Variants in OGDH observed in about 807,000 individuals in gnomAD.
OGDH encodes the protein oxoglutarate dehydrogenase, also known as 2-oxoglutarate dehydrogenase complex component E1.
In OGDH, 38 loss-of-function variants were observed where a neutral mutation model predicts 116.6. The ratio of observed to expected loss-of-function variants is 0.33; its 90% CI spans 0.25 to 0.43. The LOEUF is 0.43. OGDH is among the 20% of genes least tolerant of loss of function. The pLI is 1.00. For missense variants in OGDH, 825 were observed against 1,357.2 expected (o/e 0.61, Z 6.16); for synonymous variants, 488 against 533.3 (o/e 0.92, Z 1.17).
chr7:44,613,741 C>T (rs1340548742), intron 1 of OGDH, among the ~76,000 whole-genome samples: 5 of 151,656 alleles, frequency 3.3e-5, no homozygotes, highest in Non-Finnish European at 7.4e-5. Flanking sequence ...AGTCATCTGC[C>T]CACATCGGCC....
chr7:44,625,537 T>C (rs1356250932), intron 2 of OGDH, among the ~76,000 whole-genome samples: 1 of 152,232 alleles, frequency 6.6e-6, no homozygotes, highest in Non-Finnish European at 1.5e-5. Flanking sequence ...CCTGAAGGAA[T>C]TGGGAAGACA....
chr7:44,673,542 G>A (rs969646670), intron 5 of OGDH, among the ~76,000 whole-genome samples: 1 of 152,126 alleles, frequency 6.6e-6, no homozygotes, highest in Non-Finnish European at 1.5e-5. Flanking sequence ...GCCTGCCCTT[G>A]GAAGGCTAGG....
intron 3 of OGDH, 127 bp from the exon 4 acceptor site, chr7:44,647,530 C>T (rs1351108661): frequency 3.2e-6 from 5 of 1,544,492 alleles, no homozygotes; most frequent in Non-Finnish European, 3.5e-6. Flanking sequence ...TTTCTTCAAA[C>T]GTGGGTGAGA....
At position 44,668,721 on chromosome 7, in the gene OGDH, C is replaced by T. The variant is rs921456013; in HGVS notation, c.633+1870C>T. On this transcript the variant is annotated intron_variant, in intron 5 of 22. Coordinates refer to ENST00000222673, the MANE Select transcript of OGDH (RefSeq NM_002541.4). ...ATCTGCACCCACATCACCACACTGA[C>T]TATAGTTTCTAGTTCTGCCTACTAG... Among the ~76,000 whole-genome samples the T allele has an allele frequency of 3.3e-5, 5 of 152,168 alleles. No homozygotes were observed. In the East Asian group the frequency reaches 9.6e-4, roughly 29 times the overall value.
Position 44,639,866 on chromosome 7 carries a change from C to T in OGDH, c.223-5461C>T, listed in dbSNP as rs544164690. Among the ~76,000 whole-genome samples the T allele has an allele frequency of 1.2e-3, 186 of 152,282 alleles. 2 individuals are homozygous for T. The South Asian group carries it at 0.034, about 28-fold the overall frequency. On this transcript the variant is annotated intron_variant, in intron 2 of 22. Coordinates refer to ENST00000222673, the MANE Select transcript of OGDH (RefSeq NM_002541.4). ...GTTGCATTCCCAGCATTTTCCTTCC[C>T]GGGGATTCCCAGCAGCTCAGCAGTA...
intron 2 of OGDH, 79 bp downstream of exon 2, chr7:44,624,644 C>A: frequency 4.0e-6 from 5 of 1,261,232 alleles, no homozygotes; most frequent in Non-Finnish European, 5.8e-6. Flanking sequence ...TAAGTGTGTG[C>A]GTCCTGAGGA....
chr7:44,619,242 G>A (rs1784917792), intron 1 of OGDH, among the ~76,000 whole-genome samples: 1 of 152,162 alleles, frequency 6.6e-6, no homozygotes, highest in Non-Finnish European at 1.5e-5. Flanking sequence ...CCAAAGGAGG[G>A]GGTCATGGGA....
intron 1 of OGDH, among the ~76,000 whole-genome samples, chr7:44,616,816 C>CAT (rs1562610928): frequency 9.8e-6 from 1 of 102,372 alleles, no homozygotes; most frequent in African/African-American, 4.0e-5. Context: ...TGCATATATA[C>CAT]GTATATATGT....
In OGDH at chr7:44,708,072, T is replaced by C; in HGVS notation, c.*73T>C. The C allele has an allele frequency of 1.9e-6, 3 of 1,561,160 alleles. No individual in the cohort carries two copies. Among genetic ancestry groups the C allele is most frequent in the Non-Finnish European group, 2.6e-6 (3 of 1,156,946 alleles). The stretch of plus-strand genomic sequence containing the variant: ...TGCCCCTTGCTTCTCAACTAAAGAA[T>C]AGTGCCTCAGCGCTGCCCACACCAC... On this transcript the variant is annotated 3_prime_UTR_variant, in exon 23 of 23. Coordinates refer to ENST00000222673, the MANE Select transcript of OGDH (RefSeq NM_002541.4).
At chr7:44,659,330 C>T (rs1170838091) in intron 4 of OGDH, among the ~76,000 whole-genome samples, 1 of 152,106 alleles carries the variant, frequency 6.6e-6, no homozygotes, top group Non-Finnish European at 1.5e-5. Context: ...ATTTTGCATC[C>T]ATATTGATGA....
At chr7:44,699,425 C>CAAAAAAA in intron 18 of OGDH, among the ~76,000 whole-genome samples, 1 of 67,712 alleles carries the variant, frequency 1.5e-5, no homozygotes, top group Admixed American at 1.7e-4. Context: ...ACTCCTGTCT[C>CAAAAAAA]AAAAAAAAAA....
chr7:44,626,169 G>GT (rs1162173531), intron 2 of OGDH, among the ~76,000 whole-genome samples: 1 of 152,128 alleles, frequency 6.6e-6, no homozygotes, highest in African/African-American at 2.4e-5. Flanking sequence ...GAAATCTGTA[G>GT]TTTATTTCCC....
In OGDH at chr7:44,694,488, A is replaced by G; in HGVS notation, c.1580A>G (p.Tyr527Cys). Residue 527 changes from tyrosine (Y) to cysteine (C), a missense_variant, in exon 12 of 23, where the codon TAC (tyrosine) becomes TGC (cysteine). Transcript: ENST00000222673. This position sits in a 1 kb window ranked among gnomAD's most constrained non-coding sequence, Gnocchi z 4.2. ...DEPMFTQPLM[Y>C]KQIRKQKPVL... is the part of the protein sequence containing the mutation. ...CCCATGTTCACGCAGCCGCTCATGT[A>G]CAAGCAGATCCGCAAGCAGAAGCCT... 1 of 1,613,884 alleles carries G rather than the reference A, an allele frequency of 6.2e-7. No individual in the cohort carries two copies. The highest frequency in any genetic ancestry group is 8.5e-7 in the Non-Finnish European group (1 of 1,180,010).
chr7:44,614,834 CTTTTTT>C (rs201747358), intron 1 of OGDH, among the ~76,000 whole-genome samples: 3 of 111,158 alleles, frequency 2.7e-5, no homozygotes, highest in Non-Finnish European at 5.6e-5. Flanking sequence ...TCTTTTGGTT[CTTTTTT>C]TTTTTTTTTT....
At chr7:44,676,610 G>GTATATATATATATATA (rs1471345029) in intron 9 of OGDH, 1 of 140,792 alleles carries the variant, frequency 7.1e-6, no homozygotes, top group African/African-American at 3.0e-5. Context: ...ATGTGTGTGT[G>GTATATATATATATATA]TGTGTATATA....
At chr7:44,633,049 C>T (rs372805633) in intron 2 of OGDH, among the ~76,000 whole-genome samples, 139 of 151,028 alleles carry the variant, frequency 9.2e-4, no homozygotes, top group African/African-American at 3.2e-3. Flanking sequence ...GTCAGGAGAT[C>T]GAGACCATCC....
intron 5 of OGDH, among the ~76,000 whole-genome samples, chr7:44,670,542 G>A (rs115232420): frequency 3.9e-4 from 60 of 152,290 alleles, no homozygotes; most frequent in African/African-American, 1.3e-3. Flanking sequence ...AGTTTCTTCT[G>A]CTGGTCAGTA....
chr7:44,680,120 G>A (rs117706902), intron 9 of OGDH, among the ~76,000 whole-genome samples: 1,923 of 152,216 alleles, frequency 0.013, 16 homozygotes, highest in Middle Eastern at 0.037. Context: ...ACTGAGGTGG[G>A]AAAATCACTT....
intron 9 of OGDH, among the ~76,000 whole-genome samples, 178 bp from the exon 10 acceptor site, chr7:44,681,542 T>C (rs544974946): frequency 3.0e-4 from 45 of 152,358 alleles, no homozygotes; most frequent in African/African-American, 9.9e-4. Flanking sequence ...TGAGCAGATA[T>C]ACCAAGGTGC....
Sources: gnomAD v4.1 joint callset for allele counts (sites outside exome capture counted in the v4.1 genomes callset) on GRCh38, gnomAD v4.1.1 for gene constraint, Gnocchi (gnomAD v3.1) non-coding constraint, MANE v1.5 for transcripts, NCBI Gene and HGNC (gene_info 2026-07-23, HGNC 2026-07-21) for gene names.